The following FBXW11 variants were observed in gnomAD, a reference collection of about 807,000 sequenced individuals.
The protein encoded by FBXW11 is F-box and WD repeat domain containing 11, also known as F-box/WD repeat-containing protein 11.
A neutral mutation model predicts 77.6 loss-of-function variants in FBXW11; 19 were observed. The ratio of observed to expected loss-of-function variants is 0.24; its 90% CI spans 0.17 to 0.36. FBXW11 has a LOEUF of 0.36. Among genes scored for constraint, FBXW11 ranks in the 10% least tolerant of loss-of-function variants. FBXW11 has a pLI of 1.00. For missense variants in FBXW11, 334 were observed against 704.2 expected (o/e 0.47, Z 5.95); for synonymous variants, 235 against 249.4 (o/e 0.94, Z 0.54).
intron 2 of FBXW11, among the ~76,000 whole-genome samples, chr5:171,951,544 G>A (rs7721146): frequency 0.86 from 129,943 of 150,780 alleles, 57,241 homozygotes; most frequent in East Asian, 1. Context: ...CTCAAAAAAA[G>A]AGAGAGAGAA....
intron 7 of FBXW11, among the ~76,000 whole-genome samples, chr5:171,882,497 G>T (rs1349665470): frequency 6.6e-6 from 1 of 152,022 alleles, no homozygotes; most frequent in African/African-American, 2.4e-5. Context: ...TAGAGACAGG[G>T]TCTCCCTATG....
At chr5:171,984,016 G>A (rs1189175567) in intron 1 of FBXW11, among the ~76,000 whole-genome samples, 13 of 149,972 alleles carry the variant, frequency 8.7e-5, no homozygotes, top group Admixed American at 6.6e-4. Context: ...ATAATAAAAC[G>A]GATGAATTTT....
intron 2 of FBXW11, among the ~76,000 whole-genome samples, chr5:171,955,296 A>G (rs780699880): frequency 1.1e-4 from 16 of 152,196 alleles, no homozygotes; most frequent in Non-Finnish European, 1.9e-4. Context: ...GACAATTTTA[A>G]GGGGGACTCT....
intron 2 of FBXW11, among the ~76,000 whole-genome samples, chr5:171,920,518 G>C (rs1761533727): frequency 6.6e-6 from 1 of 151,628 alleles, no homozygotes. Context: ...CTGAGGCGAG[G>C]AGTTTGAGAC....
intron 7 of FBXW11, among the ~76,000 whole-genome samples, chr5:171,883,893 G>A (rs1293969369): frequency 6.6e-6 from 1 of 151,838 alleles, no homozygotes; most frequent in Non-Finnish European, 1.5e-5. Flanking sequence ...CATTGTGTTT[G>A]TTTTTTTCTT....
At chr5:171,891,947 G>A (rs1337498789) in intron 6 of FBXW11, among the ~76,000 whole-genome samples, 1 of 151,958 alleles carries the variant, frequency 6.6e-6, no homozygotes, top group Non-Finnish European at 1.5e-5. Context: ...GCTCCCTAAT[G>A]CCAATTAAAA....
intron 1 of FBXW11, among the ~76,000 whole-genome samples, chr5:171,967,438 T>A (rs144014385): frequency 6.6e-6 from 1 of 152,300 alleles, no homozygotes; most frequent in East Asian, 1.9e-4. Context: ...GGAAGTTTAA[T>A]GCATAGAAAG....
chr5:171,963,381 C>T (rs1764012415), intron 1 of FBXW11, among the ~76,000 whole-genome samples: 2 of 152,116 alleles, frequency 1.3e-5, no homozygotes, highest in Non-Finnish European at 2.9e-5. Flanking sequence ...ACATCCTATG[C>T]AAGTATCTGC....
chr5:171,987,358 T>C (rs184467819), intron 1 of FBXW11, among the ~76,000 whole-genome samples: 1 of 152,322 alleles, frequency 6.6e-6, no homozygotes, highest in African/African-American at 2.4e-5. Context: ...TTCACTTGGT[T>C]CCCTTTGCTA....
chr5:172,003,959 T>C (rs570322903), intron 1 of FBXW11, among the ~76,000 whole-genome samples: 1 of 152,332 alleles, frequency 6.6e-6, no homozygotes, highest in South Asian at 2.1e-4. Flanking sequence ...ATCACAAATA[T>C]TTGAGTACTG....
chr5:171,933,213 A>C (rs1375679001), intron 2 of FBXW11, among the ~76,000 whole-genome samples: 2 of 151,678 alleles, frequency 1.3e-5, no homozygotes, highest in Non-Finnish European at 2.9e-5. Flanking sequence ...AAGTCATCAA[A>C]AAACCTGGTG....
At chr5:171,914,874 T>C (rs1180851979) in intron 2 of FBXW11, among the ~76,000 whole-genome samples, 3 of 152,216 alleles carry the variant, frequency 2.0e-5, no homozygotes, top group Non-Finnish European at 4.4e-5. Flanking sequence ...CCTGATAGCC[T>C]TGTTTTTCTG....
At chr5:171,990,889 A>G (rs1410664788) in intron 1 of FBXW11, among the ~76,000 whole-genome samples, 10 of 152,086 alleles carry the variant, frequency 6.6e-5, no homozygotes, top group Non-Finnish European at 1.5e-4. Context: ...CAATGACACA[A>G]TCTTGACTCA....
At chr5:171,967,660 A>C (rs1270824693) in intron 1 of FBXW11, among the ~76,000 whole-genome samples, 3 of 151,766 alleles carry the variant, frequency 2.0e-5, no homozygotes, top group Non-Finnish European at 4.4e-5. Context: ...ACCAACATGG[A>C]AAAACCCCGT....
chr5:171,956,250 C>A (rs972013759), intron 2 of FBXW11, among the ~76,000 whole-genome samples: 4 of 152,180 alleles, frequency 2.6e-5, no homozygotes, highest in African/African-American at 9.7e-5. Flanking sequence ...AGAGCACATG[C>A]AATAATGGCT....
intron 2 of FBXW11, among the ~76,000 whole-genome samples, chr5:171,920,443 G>A (rs1043156990): frequency 1.3e-5 from 2 of 150,924 alleles, no homozygotes; most frequent in Non-Finnish European, 3.0e-5. Flanking sequence ...AACCCTGAAG[G>A]GCTGGGCACA....
At chr5:171,912,536 T>C (rs1335672146) in intron 3 of FBXW11, among the ~76,000 whole-genome samples, 1 of 152,164 alleles carries the variant, frequency 6.6e-6, no homozygotes, top group Non-Finnish European at 1.5e-5. Flanking sequence ...ACTGCCCAAT[T>C]ACAGGCAACT....
chr5:171,911,868 C>T (rs543411790), intron 3 of FBXW11, among the ~76,000 whole-genome samples: 1 of 152,278 alleles, frequency 6.6e-6, no homozygotes, highest in Non-Finnish European at 1.5e-5. Context: ...CAGTAACCTC[C>T]CTGTCTAAAA....
chr5:171,945,436 C>T (rs1581237627), intron 2 of FBXW11, among the ~76,000 whole-genome samples: 1 of 152,154 alleles, frequency 6.6e-6, no homozygotes, highest in East Asian at 1.9e-4. Context: ...AAGGTAGATA[C>T]CCCTGTTTAG....
Sources: gnomAD v4.1 joint callset for allele counts (sites outside exome capture counted in the v4.1 genomes callset) on GRCh38, gnomAD v4.1.1 for gene constraint, MANE v1.5 for transcripts, NCBI Gene and HGNC (gene_info 2026-07-23, HGNC 2026-07-21) for gene names.